Variants in RRM1 observed in about 807,000 individuals in gnomAD.
RRM1 encodes the protein ribonucleoside-diphosphate reductase large subunit.
Under a neutral mutation model 101.5 loss-of-function variants are expected in RRM1, and 19 were observed. That is an observed-to-expected ratio of 0.19 (90% CI 0.13 to 0.27). RRM1 has a LOEUF of 0.27. Among genes scored for constraint, RRM1 ranks in the 10% least tolerant of loss-of-function variants. The pLI is 1.00. For synonymous variants in RRM1, 298 were observed against 323.4 expected (o/e 0.92, Z 0.84); for missense variants, 500 against 962.9 (o/e 0.52, Z 6.36).
At chr11:4,115,082 T>C (rs971693253) in intron 7 of RRM1, among the ~76,000 whole-genome samples, 1 of 152,182 alleles carries the variant, frequency 6.6e-6, no homozygotes, top group Non-Finnish European at 1.5e-5. Flanking sequence ...ATGGAATAGA[T>C]TCAATTTTAT....
chr11:4,106,853 T>A (rs1352525465), intron 3 of RRM1, among the ~76,000 whole-genome samples: 2 of 152,178 alleles, frequency 1.3e-5, no homozygotes, highest in Admixed American at 1.3e-4. Context: ...CATAAAAAGG[T>A]TGATGGATCT....
At chr11:4,098,451 A>G (rs538673152) in intron 1 of RRM1, among the ~76,000 whole-genome samples, 2 of 36,268 alleles carry the variant, frequency 5.5e-5, no homozygotes, top group East Asian at 5.2e-4. Context: ...TTCCATTCAC[A>G]GCCTGCTAAT....
intron 12 of RRM1, among the ~76,000 whole-genome samples, chr11:4,125,809 G>T (rs917899612): frequency 6.6e-6 from 1 of 151,906 alleles, no homozygotes; most frequent in African/African-American, 2.4e-5. Flanking sequence ...TTTCTTCCTG[G>T]CATTTATTAG....
intron 2 of RRM1, 22 bp downstream of exon 2, chr11:4,102,103 C>T (rs1393928947): frequency 1.6e-6 from 2 of 1,216,498 alleles, no homozygotes; most frequent in East Asian, 2.3e-5. Context: ...TGGTTTTTAT[C>T]TTGGGTTCCT....
chr11:4,121,934 A>G (rs1022539110), intron 10 of RRM1, among the ~76,000 whole-genome samples, 169 bp downstream of exon 10: 2 of 152,194 alleles, frequency 1.3e-5, no homozygotes, highest in African/African-American at 4.8e-5. Flanking sequence ...TCTATTCTCT[A>G]AAGTAGATGC....
chr11:4,111,705 C>A, intron 6 of RRM1, 65 bp downstream of exon 6: 1 of 1,396,294 alleles, frequency 7.2e-7, no homozygotes, highest in Non-Finnish European at 1.0e-6. Flanking sequence ...TAGCTTTGAG[C>A]TATAAGTCTT....
In RRM1 at chr11:4,126,719, T is replaced by C. The variant is rs781406544; in HGVS notation, c.1356T>C (p.Asn452=). ...GTAATTTGGCTTCCCTGGCCCTGAATATGTATGTCACATCAGAACACACAT... is the reference window on the plus strand; with the variant it reads ...GTAATTTGGCTTCCCTGGCCCTGAACATGTATGTCACATCAGAACACACAT... ...AVCNLASLAL[N]MYVTSEHTYD... is the part of the protein sequence containing the mutation. The change falls in exon 13 of 19, where the codon AAT becomes AAC. Residue 452 remains asparagine, a synonymous_variant. Transcript: ENST00000300738. The C allele has an allele frequency of 2.5e-6, 4 of 1,612,820 alleles. No individual in the cohort carries two copies. Among genetic ancestry groups the C allele is most frequent in the Non-Finnish European group, 3.4e-6 (4 of 1,179,528 alleles).
At chr11:4,115,105 T>A (rs2094571004) in intron 7 of RRM1, among the ~76,000 whole-genome samples, 1 of 152,172 alleles carries the variant, frequency 6.6e-6, no homozygotes, top group African/African-American at 2.4e-5. Flanking sequence ...AAATGTCAGT[T>A]TTTCCCAAGT....
intron 17 of RRM1, among the ~76,000 whole-genome samples, chr11:4,134,044 G>A (rs1395517897): frequency 3.5e-5 from 5 of 142,056 alleles, no homozygotes; most frequent in Non-Finnish European, 7.5e-5. Context: ...GTGCAGTGGT[G>A]GAATCATGGC....
intron 17 of RRM1, 139 bp downstream of exon 17, chr11:4,133,797 A>ACC (rs2094604440): frequency 5.6e-6 from 3 of 539,362 alleles, no homozygotes; most frequent in Non-Finnish European, 9.9e-6. Flanking sequence ...TCACCTCTGC[A>ACC]TTGTTGTGCT....
At chr11:4,101,566 C>CCCG (rs2094551352) in intron 1 of RRM1, among the ~76,000 whole-genome samples, 1 of 127,044 alleles carries the variant, frequency 7.9e-6, no homozygotes, top group African/African-American at 3.1e-5. Flanking sequence ...CACACCCCCC[C>CCCG]CCGCTCCCTT....
At chr11:4,110,098 G>T (rs570051750) in intron 5 of RRM1, among the ~76,000 whole-genome samples, 21 of 152,146 alleles carry the variant, frequency 1.4e-4, no homozygotes, top group African/African-American at 5.1e-4. Flanking sequence ...CTCTGTGCTT[G>T]TTTCCTCCAT....
In RRM1 at chr11:4,129,005, T is replaced by TG. The variant is rs372117993; in HGVS notation, c.1693-66dup. ...TGGGGACATGGCAGCTAGTCATTTG[T>TG]GGGTTTTTTTTTTTTTTGGTCATAG... is the stretch of plus-strand genomic sequence containing the variant. On this transcript the variant is annotated intron_variant, in intron 14 of 18. Coordinates refer to ENST00000300738, the MANE Select transcript of RRM1 (RefSeq NM_001033.5). 649 of 813,352 alleles carry TG rather than the reference T, an allele frequency of 8.0e-4. 2 individuals are homozygous for TG. The African/African-American group carries it at 0.013, about 17-fold the overall frequency. The allele number at this position is 813,352 out of a possible 1,614,324, so 50.4% of individuals were successfully genotyped here.
At chr11:4,105,942 G>A in intron 2 of RRM1, 104 bp from the exon 3 acceptor site, 1 of 863,126 alleles carries the variant, frequency 1.2e-6, no homozygotes, top group Non-Finnish European at 1.9e-6. Context: ...GGGACTATAG[G>A]CATGTACTAC....
intron 6 of RRM1, 85 bp from the exon 7 acceptor site, chr11:4,111,815 G>A: frequency 1.5e-6 from 2 of 1,351,428 alleles, no homozygotes; most frequent in Non-Finnish European, 2.0e-6. Context: ...GTTTCCTTTT[G>A]GTGTCCTTTT....
chr11:4,115,405 G>A (rs967505618), intron 7 of RRM1, among the ~76,000 whole-genome samples: 10 of 151,648 alleles, frequency 6.6e-5, no homozygotes, highest in African/African-American at 2.4e-4. Flanking sequence ...AAGATGGAGG[G>A]AGAAATTGGA....
chr11:4,121,879 G>A lies in RRM1; in HGVS notation c.1038+114G>A, dbSNP rs543999936. 2.1e-5 allele frequency: 21 copies of A among 993,216 alleles called. No homozygotes were observed. In the East Asian group the frequency reaches 4.2e-4, roughly 20 times the overall value. The allele number at this position is 993,216 out of a possible 1,614,324, so 61.5% of individuals were successfully genotyped here. On this transcript the variant is annotated intron_variant, in intron 10 of 18. Transcript: ENST00000300738. ...CCATATGTGTGTGATGCCACAGAAGGCATTCTGAACAAGTTAAGAGATGCC... is the reference window on the plus strand; with the variant it reads ...CCATATGTGTGTGATGCCACAGAAGACATTCTGAACAAGTTAAGAGATGCC...
chr11:4,134,612 A>AT lies in RRM1; in HGVS notation c.2002-466dup, dbSNP rs113438262. Among the ~76,000 whole-genome samples, 913 of 152,282 alleles carry AT rather than the reference A, an allele frequency of 6.0e-3. 6 individuals carry two copies. Among genetic ancestry groups the AT allele is most frequent in the African/African-American group, 0.021 (877 of 41,558 alleles). ...TTAACCCTAGGCCTAAGAAAACCTG[A>AT]TTTTGGATTCCAAAGGGAGTTTGAA... On this transcript the variant is annotated intron_variant, in intron 17 of 18. Transcript: ENST00000300738.
chr11:4,105,804 A>G, intron 2 of RRM1: 1 of 464,332 alleles, frequency 2.2e-6, no homozygotes, highest in Non-Finnish European at 3.9e-6. Context: ...GACTCAAGCC[A>G]TTCTCCCACA....
Sources: gnomAD v4.1 joint callset for allele counts (sites outside exome capture counted in the v4.1 genomes callset) on GRCh38, gnomAD v4.1.1 for gene constraint, MANE v1.5 for transcripts, NCBI Gene and HGNC (gene_info 2026-07-23, HGNC 2026-07-21) for gene names.